KCNN2: variants seen among roughly 807,000 people sequenced by gnomAD.
KCNN2 encodes small conductance calcium-activated potassium channel protein 2.
A neutral mutation model predicts 55.5 loss-of-function variants in KCNN2; 24 were observed. The observed-to-expected ratio is 0.43, with a 90% CI of 0.31 to 0.61. The LOEUF (loss-of-function observed/expected upper bound fraction) is 0.61, where lower values mean the gene tolerates loss of function less well. Ranked by LOEUF, KCNN2 falls within the 20% of genes least tolerant of loss-of-function variation. KCNN2 has a pLI of 0.08. For synonymous variants in KCNN2, 431 were observed against 336.1 expected (o/e 1.28, Z -3.09); for missense variants, 754 against 853.6 (o/e 0.88, Z 1.45).
chr5:114,395,637 A>G (rs147373104), intron 2 of KCNN2, among the ~76,000 whole-genome samples: 111 of 152,340 alleles, frequency 7.3e-4, no homozygotes, highest in Middle Eastern at 3.4e-3. Context: ...CATACTTGAC[A>G]ATGAATGAGT....
intron 1 of KCNN2, among the ~76,000 whole-genome samples, chr5:114,157,078 A>G (rs1405948627): frequency 2.0e-5 from 3 of 151,794 alleles, no homozygotes; most frequent in Non-Finnish European, 4.4e-5. Context: ...ATATGTATAC[A>G]TGTGCCATGT....
At chr5:114,197,103 G>C (rs1455914836) in intron 1 of KCNN2, among the ~76,000 whole-genome samples, 1 of 151,660 alleles carries the variant, frequency 6.6e-6, no homozygotes, top group Non-Finnish European at 1.5e-5. Context: ...TGACCAGTTG[G>C]GTAAGTTTGC....
intron 2 of KCNN2, among the ~76,000 whole-genome samples, chr5:114,248,567 T>C (rs1164955455): frequency 6.6e-6 from 1 of 152,208 alleles, no homozygotes; most frequent in Non-Finnish European, 1.5e-5. Context: ...AGTTAGGCTT[T>C]ATTTCCTGGC....
At chr5:114,325,155 C>CT (rs1161791727) in intron 2 of KCNN2, among the ~76,000 whole-genome samples, 5 of 152,034 alleles carry the variant, frequency 3.3e-5, no homozygotes, top group Admixed American at 1.3e-4. Context: ...GAAGGTACAG[C>CT]TTTTTTTGTT....
At position 114,496,084 on chromosome 5, in the gene KCNN2, G is replaced by A. The variant is rs1197844531; in HGVS notation, c.2278G>A (p.Asp760Asn). The change falls in exon 8 of 8, where the codon GAC (aspartate) becomes AAC (asparagine). Residue 760 changes from aspartate (D) to asparagine (N), a missense_variant. This residue lies in a region of KCNN2 where 164 missense variants were observed against 156.6 expected (regional missense o/e 1.05). Transcript: ENST00000673685. ...CATTGAGGCTCAGATGGAGAGCTAC[G>A]ACAAGCACGTCACTTACAATGCTGA... ...DFIEAQMESYDKHVTYNAERS... is the reference protein window; with the variant it reads ...DFIEAQMESYNKHVTYNAERS... 8.1e-6 allele frequency: 13 copies of A among 1,613,922 alleles called. No homozygotes were observed. The African/African-American group carries it at 9.3e-5, about 12-fold the overall frequency.
intron 2 of KCNN2, among the ~76,000 whole-genome samples, chr5:114,373,741 G>T (rs1757846818): frequency 6.9e-6 from 1 of 144,628 alleles, no homozygotes; most frequent in African/African-American, 2.5e-5. Context: ...TTTGGAGTTT[G>T]TTGGGGTGGA....
intron 1 of KCNN2, among the ~76,000 whole-genome samples, chr5:114,073,071 T>C (rs944200731): frequency 6.6e-6 from 1 of 152,234 alleles, no homozygotes; most frequent in African/African-American, 2.4e-5. Flanking sequence ...GGCTCTGATA[T>C]GCCGTATTTG....
chr5:114,415,581 A>G (rs1759280333), intron 3 of KCNN2, among the ~76,000 whole-genome samples: 1 of 152,234 alleles, frequency 6.6e-6, no homozygotes, highest in East Asian at 1.9e-4. Context: ...TCTTATAACC[A>G]TTCTAGTGAG....
At chr5:114,145,942 A>G (rs924902809) in intron 1 of KCNN2, among the ~76,000 whole-genome samples, 1 of 151,842 alleles carries the variant, frequency 6.6e-6, no homozygotes, top group Non-Finnish European at 1.5e-5. Context: ...TGGATGTGCT[A>G]GTTGTTTCCT....
chr5:114,194,993 T>G (rs191671490), intron 1 of KCNN2, among the ~76,000 whole-genome samples: 7 of 152,074 alleles, frequency 4.6e-5, no homozygotes, highest in Non-Finnish European at 5.9e-5. Context: ...GCAAAATTAA[T>G]GGACTATAGT....
chr5:114,107,151 A>G (rs1751504569), intron 1 of KCNN2, among the ~76,000 whole-genome samples: 1 of 152,106 alleles, frequency 6.6e-6, no homozygotes, highest in Non-Finnish European at 1.5e-5. Flanking sequence ...TGAGAAAACT[A>G]TTATTTCTCA....
At chr5:114,103,894 G>T (rs962942294) in intron 1 of KCNN2, among the ~76,000 whole-genome samples, 1 of 151,944 alleles carries the variant, frequency 6.6e-6, no homozygotes, top group Admixed American at 6.6e-5. Flanking sequence ...TTCTTTTTTT[G>T]TTGTGTCTTT....
At chr5:114,355,710 G>C (rs1277448616) in intron 2 of KCNN2, among the ~76,000 whole-genome samples, 2 of 152,046 alleles carry the variant, frequency 1.3e-5, no homozygotes, top group Non-Finnish European at 2.9e-5. Flanking sequence ...AAGTTCCTCT[G>C]AGCTGCAGGG....
intron 1 of KCNN2, among the ~76,000 whole-genome samples, chr5:114,169,803 G>A (rs980442374): frequency 2.6e-5 from 4 of 152,110 alleles, no homozygotes; most frequent in Non-Finnish European, 4.4e-5. Context: ...ATAGATTCCA[G>A]GTTACTGATG....
At chr5:114,121,770 G>GTCTT (rs1751834544) in intron 1 of KCNN2, among the ~76,000 whole-genome samples, 1 of 152,136 alleles carries the variant, frequency 6.6e-6, no homozygotes, top group African/African-American at 2.4e-5. Flanking sequence ...TCCCAACTTG[G>GTCTT]TCTTAAGGTA....
chr5:114,228,728 T>G (rs1754291133), intron 2 of KCNN2, among the ~76,000 whole-genome samples: 1 of 152,074 alleles, frequency 6.6e-6, no homozygotes, highest in Admixed American at 6.5e-5. Context: ...CTTCATAATT[T>G]TATTAGAAGT....
intron 2 of KCNN2, among the ~76,000 whole-genome samples, chr5:114,274,028 G>C: frequency 6.6e-6 from 1 of 152,272 alleles, no homozygotes; most frequent in East Asian, 1.9e-4. Context: ...AAGGTGTAAG[G>C]AAGGGGTCCA....
chr5:114,468,181 T>G (rs1224467822), intron 4 of KCNN2, among the ~76,000 whole-genome samples: 3 of 152,184 alleles, frequency 2.0e-5, no homozygotes, highest in Non-Finnish European at 2.9e-5. Context: ...TCATCAAAAC[T>G]TCCTTGAAAC....
chr5:114,084,680 T>G (rs1750975667), intron 1 of KCNN2, among the ~76,000 whole-genome samples: 1 of 152,058 alleles, frequency 6.6e-6, no homozygotes, highest in African/African-American at 2.4e-5. Context: ...GAAGTGCTAC[T>G]TATCAAATTT....
Sources: gnomAD v4.1 joint callset for allele counts (sites outside exome capture counted in the v4.1 genomes callset) on GRCh38, gnomAD v4.1.1 for gene constraint, gnomAD v4.1.1 regional missense constraint, MANE v1.5 for transcripts, NCBI Gene and HGNC (gene_info 2026-07-23, HGNC 2026-07-21) for gene names.